Variants in SLC2A12 observed in about 807,000 individuals in gnomAD.
SLC2A12 encodes solute carrier family 2 member 12, also known as solute carrier family 2, facilitated glucose transporter member 12.
In SLC2A12, 23 loss-of-function variants were observed where a neutral mutation model predicts 41.8. That is an observed-to-expected ratio of 0.55 (90% confidence interval 0.40 to 0.78). The LOEUF (loss-of-function observed/expected upper bound fraction) is 0.78, where lower values mean the gene tolerates loss of function less well. Ranked by LOEUF, SLC2A12 falls within the 30% of genes least tolerant of loss-of-function variation. The pLI, the probability that SLC2A12 is intolerant of heterozygous loss-of-function variation, is 0.00. For missense variants in SLC2A12, 654 were observed against 745.6 expected (o/e 0.88, Z 1.43); for synonymous variants, 295 against 285.9 (o/e 1.03, Z -0.32).
At chr6:134,033,533 G>T (rs1025837217) in intron 1 of SLC2A12, among the ~76,000 whole-genome samples, 1 of 152,032 alleles carries the variant, frequency 6.6e-6, no homozygotes, top group Non-Finnish European at 1.5e-5. Flanking sequence ...ATTGAGGACT[G>T]GTCTCTGATA....
chr6:133,994,104 C>T (rs141695812), intron 4 of SLC2A12, among the ~76,000 whole-genome samples: 127 of 152,240 alleles, frequency 8.3e-4, no homozygotes, highest in African/African-American at 2.8e-3. Context: ...CCAGGGCAGC[C>T]GTGAAGGTGT....
chr6:134,002,525 C>T (rs1320484760), intron 3 of SLC2A12, among the ~76,000 whole-genome samples: 3 of 152,174 alleles, frequency 2.0e-5, no homozygotes, highest in East Asian at 1.9e-4. Flanking sequence ...CAGTTCCCCT[C>T]TTGGGAATCG....
At chr6:134,003,762 C>T (rs1043160442) in intron 3 of SLC2A12, among the ~76,000 whole-genome samples, 1 of 152,122 alleles carries the variant, frequency 6.6e-6, no homozygotes. Flanking sequence ...TTAAATGGCC[C>T]TCTCGAGATG....
intron 1 of SLC2A12, among the ~76,000 whole-genome samples, chr6:134,042,981 CA>C (rs200105621): frequency 7.9e-6 from 1 of 126,960 alleles, no homozygotes; most frequent in Non-Finnish European, 1.6e-5. Context: ...CAAAACAAAA[CA>C]AAACAAAACA....
rs554118750 is a variant in SLC2A12, at chr6:133,990,381, A to G, written c.*774T>C. On this transcript the variant is annotated 3_prime_UTR_variant, in exon 5 of 5. Transcript: ENST00000275230. ...AACCTAATGGCCTGACTCCTTTTCT[A>G]ATGTTTTACTAACAGCTACTTCTAA... 1 of 152,570 alleles carries G rather than the reference A, an allele frequency of 6.6e-6. No individual in the cohort carries two copies. Among genetic ancestry groups the G allele is most frequent in the Non-Finnish European group, 1.5e-5 (1 of 68,028 alleles). 9.5% of individuals were successfully genotyped at this position (152,570 alleles called of 1,614,324 possible).
In SLC2A12 at chr6:134,035,137, C is replaced by T. The variant is rs528214929; in HGVS notation, c.104-5416G>A. On this transcript the variant is annotated intron_variant, in intron 1 of 4. Coordinates refer to ENST00000275230, the MANE Select transcript of SLC2A12 (RefSeq NM_145176.3). ...CTAGACATGGGAACATAGGAAAGGCCGCTGGCTGCCTGACAAAAAAAAAAA... is the reference window on the plus strand; with the variant it reads ...CTAGACATGGGAACATAGGAAAGGCTGCTGGCTGCCTGACAAAAAAAAAAA... Among the ~76,000 whole-genome samples the T allele has an allele frequency of 5.9e-5, 7 of 118,858 alleles. No homozygotes were observed. In the South Asian group the frequency reaches 1.2e-3, roughly 21 times the overall value. The allele number at this position is 118,858 out of a possible 152,430, so 78.0% of individuals were successfully genotyped here. A position where few individuals can be genotyped will look rare whatever the true frequency, so the allele number is the denominator to read the frequency against.
In SLC2A12 at chr6:134,028,609, C is replaced by A. The variant is rs768985832; in HGVS notation, c.1216G>T (p.Asp406Tyr). The A allele has an allele frequency of 6.2e-7, 1 of 1,614,214 alleles. No individual in the cohort carries two copies. Among genetic ancestry groups the A allele is most frequent in the South Asian group, 1.1e-5 (1 of 91,064 alleles). The change falls in exon 2 of 5, where the codon GAC (aspartate) becomes TAC (tyrosine). Residue 406 changes from aspartate (D) to tyrosine (Y), a missense_variant. Asp to Tyr is a radical substitution (Grantham distance 160). Transcript: ENST00000275230. ...TGGGAAGAAATCCCTTTGAAGTGGT[C>A]TCTGAGAGTATTGTTGTTGGTTGAC... ...NLSTNNNTLR[D>Y]HFKGISSHSR...
chr6:134,009,885 C>T lies in SLC2A12; in HGVS notation c.1445-2951G>A, dbSNP rs552034281. 2.2e-3 allele frequency among the ~76,000 whole-genome samples: 341 copies of T among 152,154 alleles called. 2 individuals are homozygous for T. The highest frequency in any genetic ancestry group is 7.8e-3 in the African/African-American group (324 of 41,530). On this transcript the variant is annotated intron_variant, in intron 2 of 4. Coordinates refer to ENST00000275230, the MANE Select transcript of SLC2A12 (RefSeq NM_145176.3). ...GAGAATATTATTTAAACAATGATTC[C>T]AGATTGTAAAATCACAGGTTTTCAG...
In SLC2A12 at chr6:134,028,443, T is replaced by G. The variant is rs926228477; in HGVS notation, c.1382A>C (p.Lys461Thr). The part of the protein sequence containing the change: ...TDPGDVPAFL[K>T]WLSLASLLVY... Reference sequence around the variant, plus strand: ...AAGCAAGCTGGCTAAGGACAGCCATTTCAAAAAAGCTGGGACGTCCCCAGG... The same window carrying G: ...AAGCAAGCTGGCTAAGGACAGCCATGTCAAAAAAGCTGGGACGTCCCCAGG... Residue 461 changes from lysine to threonine, a missense_variant, in exon 2 of 5, where the codon AAA becomes ACA. By Grantham distance (78) the Lys-to-Thr change is moderately conservative. This residue lies in a region of SLC2A12 where 411 missense variants were observed against 412.1 expected (regional missense o/e 1.00). Transcript: ENST00000275230. 2 of 1,614,008 alleles carry G rather than the reference T, an allele frequency of 1.2e-6. No individual in the cohort carries two copies. Among genetic ancestry groups the G allele is most frequent in the African/African-American group, 2.7e-5 (2 of 74,916 alleles).
rs773510813 is a variant in SLC2A12, at chr6:134,052,482, G to T, written c.-2C>A. The T allele has an allele frequency of 3.7e-6, 6 of 1,612,438 alleles. No individual in the cohort carries two copies. Among genetic ancestry groups the T allele is most frequent in the Non-Finnish European group, 5.1e-6 (6 of 1,179,660 alleles). ...CTCGGTGTTTTCAACAGGTACCATGGTCACGTAGAAGTTACAGCCGCTTCC... is the reference window on the plus strand; with the variant it reads ...CTCGGTGTTTTCAACAGGTACCATGTTCACGTAGAAGTTACAGCCGCTTCC... On this transcript the variant is annotated 5_prime_UTR_variant, in exon 1 of 5. Transcript: ENST00000275230.
In SLC2A12 at chr6:133,987,929, TG is replaced by T. The variant is rs1264475668; in HGVS notation, c.*3225del. ...GAAATGAGAAAGAAGCTGTGATGAA[TG>T]GTGCCTCATTTGGACCTTTGTTTTT... On this transcript the variant is annotated 3_prime_UTR_variant, in exon 5 of 5. Coordinates refer to ENST00000275230, the MANE Select transcript of SLC2A12 (RefSeq NM_145176.3). The T allele has an allele frequency of 6.6e-6, 1 of 152,282 alleles. No individual in the cohort carries two copies. Among genetic ancestry groups the T allele is most frequent in the Non-Finnish European group, 1.5e-5 (1 of 68,008 alleles). The allele number at this position is 152,282 out of a possible 1,614,324, so 9.4% of individuals were successfully genotyped here.
At chr6:134,017,482 G>A (rs1776976812) in intron 2 of SLC2A12, among the ~76,000 whole-genome samples, 1 of 152,196 alleles carries the variant, frequency 6.6e-6, no homozygotes, top group Non-Finnish European at 1.5e-5. Flanking sequence ...GTTAGGCCTG[G>A]AGAAGCCAAT....
intron 2 of SLC2A12, among the ~76,000 whole-genome samples, chr6:134,015,031 T>C (rs1463651154): frequency 6.6e-6 from 1 of 152,240 alleles, no homozygotes; most frequent in Non-Finnish European, 1.5e-5. Context: ...AATGCTGTTT[T>C]CCATATAATA....
chr6:133,988,174 C>T lies in SLC2A12; in HGVS notation c.*2981G>A, dbSNP rs118004011. ...CATTTTGTGTGATACTGTCCTTCCC[C>T]TTGCTGTATCTTATTTAATGGAGTT... On this transcript the variant is annotated 3_prime_UTR_variant, in exon 5 of 5. Transcript: ENST00000275230. 7.9e-5 allele frequency: 12 copies of T among 152,302 alleles called. No homozygotes were observed. In the East Asian group the frequency reaches 2.1e-3, roughly 27 times the overall value. 9.4% of individuals were successfully genotyped at this position (152,302 alleles called of 1,614,324 possible).
At chr6:134,021,029 G>A (rs533071609) in intron 2 of SLC2A12, among the ~76,000 whole-genome samples, 8 of 152,222 alleles carry the variant, frequency 5.3e-5, no homozygotes, top group Middle Eastern at 6.8e-3. Flanking sequence ...AATATCTCCC[G>A]CTAATTGTTT....
intron 4 of SLC2A12, among the ~76,000 whole-genome samples, chr6:133,993,853 CTG>C (rs1776652764): frequency 6.6e-6 from 1 of 152,146 alleles, no homozygotes; most frequent in African/African-American, 2.4e-5. Context: ...AGCCTCTGGC[CTG>C]TGTGGCTGTG....
intron 1 of SLC2A12, among the ~76,000 whole-genome samples, chr6:134,043,369 G>A (rs1046519158): frequency 6.6e-6 from 1 of 152,054 alleles, no homozygotes; most frequent in African/African-American, 2.4e-5. Flanking sequence ...TAACCATAAG[G>A]GGCCTGCAAC....
intron 2 of SLC2A12, among the ~76,000 whole-genome samples, chr6:134,007,931 T>C (rs531129715): frequency 6.6e-6 from 1 of 152,350 alleles, no homozygotes; most frequent in South Asian, 2.1e-4. Flanking sequence ...GAATTCATGC[T>C]TTTTTGTCAT....
chr6:134,012,286 G>T (rs563975232), intron 2 of SLC2A12, among the ~76,000 whole-genome samples: 18 of 152,254 alleles, frequency 1.2e-4, no homozygotes, highest in African/African-American at 4.1e-4. Context: ...CTGTCCTAAA[G>T]ATTTCTAGTC....
Sources: allele counts gnomAD v4.1 joint callset (sites outside exome capture counted in the v4.1 genomes callset), GRCh38; gene constraint gnomAD v4.1.1; regional missense constraint gnomAD v4.1.1; transcripts MANE v1.5; gene names NCBI Gene and HGNC (gene_info 2026-07-23, HGNC 2026-07-21).